The following PSMB5 variants were observed in gnomAD, a reference collection of about 807,000 sequenced individuals.
The protein encoded by PSMB5 is proteasome 20S subunit beta 5.
In PSMB5, 2 loss-of-function variants were observed where a neutral mutation model predicts 22.8. That is an observed-to-expected ratio of 0.09 (90% CI 0.04 to 0.28). The LOEUF (loss-of-function observed/expected upper bound fraction) is 0.28. PSMB5 is among the 10% of genes least tolerant of loss of function. The pLI is 1.00. For missense variants in PSMB5, 269 were observed against 343.8 expected (o/e 0.78, Z 1.72); for synonymous variants, 133 against 135.3 (o/e 0.98, Z 0.12).
intron 2 of PSMB5, among the ~76,000 whole-genome samples, chr14:23,030,227 C>T (rs1478950419): frequency 2.0e-5 from 3 of 151,602 alleles, no homozygotes; most frequent in African/African-American, 4.8e-5. Flanking sequence ...CTGTGGCTCA[C>T]GCCTGCAATC....
intron 2 of PSMB5, among the ~76,000 whole-genome samples, chr14:23,026,580 G>A (rs1222092553): frequency 1.3e-5 from 2 of 151,672 alleles, no homozygotes; most frequent in Non-Finnish European, 2.9e-5. Flanking sequence ...TTCCCAGGTA[G>A]CTAGGATTAC....
At position 23,029,451 on chromosome 14, in the gene PSMB5, C is replaced by T. The variant is rs1405577393; in HGVS notation, c.506-3076G>A. Among the ~76,000 whole-genome samples the T allele has an allele frequency of 3.3e-5, 5 of 152,224 alleles. No individual in the cohort carries two copies. The East Asian group carries it at 9.6e-4, about 29-fold the overall frequency. Reference sequence around the variant, plus strand: ...TTTTTTACATCCAGGACAACCACCACCAATCCATGAAGTCTTCCCCAATTC... The same window carrying T: ...TTTTTTACATCCAGGACAACCACCATCAATCCATGAAGTCTTCCCCAATTC... On this transcript the variant is annotated intron_variant, in intron 2 of 2. Transcript: ENST00000361611.
At chr14:23,030,879 C>T (rs1464047043) in intron 2 of PSMB5, among the ~76,000 whole-genome samples, 3 of 151,986 alleles carry the variant, frequency 2.0e-5, no homozygotes, top group African/African-American at 7.3e-5. Context: ...GAACTGAGAT[C>T]GCGCCATTGC....
Position 23,034,752 on chromosome 14 carries a change from G to A in PSMB5, c.130C>T (p.Pro44Ser). The change falls in exon 1 of 3, where the codon CCA (proline) becomes TCA (serine). Residue 44 changes from proline (P) to serine (S), a missense_variant. Physicochemically the swap from Pro to Ser is moderately conservative, Grantham distance 74. Around this residue, in one of 3 missense-constraint regions of PSMB5, gnomAD observed 81 missense variants for 70.4 expected, o/e 1.15. Transcript: ENST00000361611. Reference protein sequence around the residue: ...SLSDGLSLAAPGWGVPEEPGI... With the variant: ...SLSDGLSLAASGWGVPEEPGI... Reference sequence around the variant, plus strand: ...GGCTCTTCTGGGACACCCCAGCCTGGCGCGGCCAGGCTCAGACCATCACTG... The same window carrying A: ...GGCTCTTCTGGGACACCCCAGCCTGACGCGGCCAGGCTCAGACCATCACTG... The A allele has an allele frequency of 2.5e-6, 4 of 1,614,184 alleles. No individual in the cohort carries two copies. The highest frequency in any genetic ancestry group is 3.4e-6 in the Non-Finnish European group (4 of 1,180,032).
At position 23,026,009 on chromosome 14, in the gene PSMB5, A is replaced by G. The variant is rs934667677; in HGVS notation, c.*80T>C. On this transcript the variant is annotated 3_prime_UTR_variant, in exon 3 of 3. Coordinates refer to ENST00000361611, the MANE Select transcript of PSMB5 (RefSeq NM_002797.5). The stretch of plus-strand genomic sequence containing the variant: ...AATTGAAGGCCCTTCCACTATAAAT[A>G]GGATGGAGGATGGGTCACTGTGTCC... 1.3e-6 allele frequency: 2 copies of G among 1,566,158 alleles called. No homozygotes were observed. Among genetic ancestry groups the G allele is most frequent in the Admixed American group, 3.6e-5 (2 of 55,622 alleles).
chr14:23,031,481 T>C (rs559230176), intron 2 of PSMB5, among the ~76,000 whole-genome samples: 1 of 152,234 alleles, frequency 6.6e-6, no homozygotes. Context: ...AGGTACCCTA[T>C]AATTGTTCTA....
chr14:23,027,554 A>G (rs894446439), intron 2 of PSMB5, among the ~76,000 whole-genome samples: 3 of 151,006 alleles, frequency 2.0e-5, no homozygotes, highest in Admixed American at 6.6e-5. Context: ...AGGTTGAAAC[A>G]GGAGGATTGT....
chr14:23,034,722 T>C lies in PSMB5; in HGVS notation c.160A>G (p.Ile54Val), dbSNP rs772959090. 4 of 1,614,142 alleles carry C rather than the reference T, an allele frequency of 2.5e-6. No individual in the cohort carries two copies. The highest frequency in any genetic ancestry group is 3.4e-6 in the Non-Finnish European group (4 of 1,180,020). ...GTGGTTGTTCCATGAAGCATTTCGA[T>C]TCCTGGCTCTTCTGGGACACCCCAG... Reference protein sequence around the residue: ...PGWGVPEEPGIEMLHGTTTLA... With the variant: ...PGWGVPEEPGVEMLHGTTTLA... Residue 54 changes from isoleucine (I) to valine (V), a missense_variant, in exon 1 of 3, where the codon ATC becomes GTC. By Grantham distance (29) the Ile-to-Val change is conservative. Coordinates refer to ENST00000361611, the MANE Select transcript of PSMB5 (RefSeq NM_002797.5).
chr14:23,026,810 C>A (rs1278376207), intron 2 of PSMB5, among the ~76,000 whole-genome samples: 1 of 149,722 alleles, frequency 6.7e-6, no homozygotes, highest in South Asian at 2.2e-4. Flanking sequence ...AGGCCGGGCG[C>A]GGTGGCTCAT....
At chr14:23,032,905 A>C (rs768131521) in intron 2 of PSMB5, among the ~76,000 whole-genome samples, 2 of 130,478 alleles carry the variant, frequency 1.5e-5, no homozygotes, top group Admixed American at 7.8e-5. Context: ...CCTTCAACGA[A>C]TTCTTAAATT....
At chr14:23,032,445 T>G (rs1165102530) in intron 2 of PSMB5, among the ~76,000 whole-genome samples, 4 of 151,426 alleles carry the variant, frequency 2.6e-5, no homozygotes, top group Middle Eastern at 6.8e-3. Context: ...ACTTTGCATC[T>G]CAAAAAAAGA....
chr14:23,034,212 G>C (rs1032093978), intron 1 of PSMB5, among the ~76,000 whole-genome samples: 7 of 151,852 alleles, frequency 4.6e-5, no homozygotes, highest in African/African-American at 1.7e-4. Context: ...GCTAGTTATT[G>C]CAGAGCTGGG....
intron 2 of PSMB5, among the ~76,000 whole-genome samples, chr14:23,028,784 T>C (rs1594712566): frequency 6.6e-6 from 1 of 152,348 alleles, no homozygotes; most frequent in East Asian, 1.9e-4. Flanking sequence ...TAGCTGACTT[T>C]TGGTACAGAT....
At chr14:23,028,180 C>T (rs1185379190) in intron 2 of PSMB5, among the ~76,000 whole-genome samples, 1 of 152,120 alleles carries the variant, frequency 6.6e-6, no homozygotes, top group Non-Finnish European at 1.5e-5. Context: ...CCCACTCCCC[C>T]ATCAAAAGAC....
intron 1 of PSMB5, 96 bp downstream of exon 1, chr14:23,034,588 T>TG: frequency 7.0e-7 from 1 of 1,428,856 alleles, no homozygotes; most frequent in Admixed American, 2.1e-5. Context: ...CCGCCTGGGT[T>TG]GGTGGCCAAG....
At chr14:23,026,874 G>A (rs1402112208) in intron 2 of PSMB5, among the ~76,000 whole-genome samples, 1 of 142,816 alleles carries the variant, frequency 7.0e-6, no homozygotes, top group Admixed American at 7.0e-5. Context: ...CCTGAGGTCA[G>A]GCGTTTGAGA....
intron 1 of PSMB5, among the ~76,000 whole-genome samples, chr14:23,034,138 A>C (rs1028649593): frequency 2.6e-5 from 4 of 152,256 alleles, no homozygotes; most frequent in East Asian, 1.9e-4. Context: ...AAAAAAAAAA[A>C]AAACAAATCA....
At chr14:23,030,744 T>C (rs1336558349) in intron 2 of PSMB5, among the ~76,000 whole-genome samples, 2 of 151,804 alleles carry the variant, frequency 1.3e-5, no homozygotes, top group African/African-American at 4.8e-5. Context: ...CTGGCCAACA[T>C]GGTGAAACCC....
upstream of PSMB5, chr14:23,035,137 A>T: frequency 1.7e-6 from 1 of 579,978 alleles, no homozygotes; most frequent in South Asian, 2.2e-5. Flanking sequence ...TGGTCATGCA[A>T]GTAGTCCTGG....
Sources: allele counts gnomAD v4.1 joint callset (sites outside exome capture counted in the v4.1 genomes callset), GRCh38; gene constraint gnomAD v4.1.1; regional missense constraint gnomAD v4.1.1; transcripts MANE v1.5; gene names NCBI Gene and HGNC (gene_info 2026-07-23, HGNC 2026-07-21).